The following NBEAL2 variants were observed in gnomAD, a reference collection of about 807,000 sequenced individuals.
NBEAL2 encodes the protein neurobeachin like 2.
In NBEAL2, 160 loss-of-function variants were observed where a neutral mutation model predicts 299.8. The ratio of observed to expected loss-of-function variants is 0.53; its 90% CI spans 0.47 to 0.61. NBEAL2 has a LOEUF of 0.61. Ranked by LOEUF, NBEAL2 falls within the 20% of genes least tolerant of loss-of-function variation. The pLI, the probability that NBEAL2 is intolerant of heterozygous loss-of-function variation, is 0.00. For missense variants in NBEAL2, 3,112 were observed against 3,649.0 expected, an observed-to-expected ratio of 0.85 and a Z score of 3.79; for synonymous variants, 1,493 against 1,542.3, an observed-to-expected ratio of 0.97 and a Z score of 0.75.
At chr3:46,987,538 C>G (rs886183801) in intron 1 of NBEAL2, among the ~76,000 whole-genome samples, 5 of 152,192 alleles carry the variant, frequency 3.3e-5, no homozygotes, top group African/African-American at 9.7e-5. Context: ...CAGCTGTGTT[C>G]CTGAGCGAAG....
chr3:46,995,232 G>A lies in NBEAL2; in HGVS notation c.1497G>A (p.Leu499=). The change falls in exon 13 of 54, where the codon TTG becomes TTA. Residue 499 remains leucine (L), a synonymous_variant. Transcript: ENST00000450053. ...AGGCAGGCCTGGTGGGCTGCCTGTTGGAGACACTCAGCACAGGGCTAGCCC... is the reference window on the plus strand; with the variant it reads ...AGGCAGGCCTGGTGGGCTGCCTGTTAGAGACACTCAGCACAGGGCTAGCCC... ...CVQAGLVGCL[L]ETLSTGLALE... The A allele has an allele frequency of 6.4e-7, 1 of 1,555,830 alleles. No individual in the cohort carries two copies.
At chr3:46,996,080 T>C (rs1433371272) in intron 15 of NBEAL2, 29 bp downstream of exon 15, 1 of 1,576,828 alleles carries the variant, frequency 6.3e-7, no homozygotes. Flanking sequence ...GGGGAGGCCT[T>C]GGGTAGATGG....
chr3:47,009,403 C>G lies in NBEAL2; in HGVS notation c.*83C>G. On this transcript the variant is annotated 3_prime_UTR_variant, in exon 54 of 54. Coordinates refer to ENST00000450053, the MANE Select transcript of NBEAL2 (RefSeq NM_015175.3). Reference sequence around the variant, plus strand: ...CGCCCAGAAGTCGGCGGGAACACCCCGGGGTGGGCAGCCCAGGGGGGTGAG... The same window carrying G: ...CGCCCAGAAGTCGGCGGGAACACCCGGGGGTGGGCAGCCCAGGGGGGTGAG... The G allele has an allele frequency of 1.5e-6, 2 of 1,332,084 alleles. No homozygotes were observed. Among genetic ancestry groups the G allele is most frequent in the South Asian group, 1.3e-5 (1 of 75,780 alleles). The allele number at this position is 1,332,084 out of a possible 1,614,324, so 82.5% of individuals were successfully genotyped here.
Position 47,008,676 on chromosome 3 carries a change from C to T in NBEAL2, c.8027+8C>T. 2 of 1,612,992 alleles carry T rather than the reference C, an allele frequency of 1.2e-6. No individual in the cohort carries two copies. The highest frequency in any genetic ancestry group is 1.7e-6 in the Non-Finnish European group (2 of 1,179,838). On this transcript the variant is annotated splice_region_variant and intron_variant, in intron 52 of 53. Transcript: ENST00000450053. ...CATCCTCCAACTAAACACGTAAGCC[C>T]CCCATTTATGGGTTCATGGCCCCTG...
At chr3:46,994,361 C>G (rs2036317320) in intron 11 of NBEAL2, 94 bp from the exon 12 acceptor site, 2 of 1,227,034 alleles carry the variant, frequency 1.6e-6, no homozygotes, top group Non-Finnish European at 2.3e-6. Context: ...AAGGGAACCC[C>G]AAAACATGAT....
At chr3:47,007,371 T>C in intron 47 of NBEAL2, 21 bp downstream of exon 47, 1 of 1,583,440 alleles carries the variant, frequency 6.3e-7, no homozygotes, top group East Asian at 2.3e-5. Flanking sequence ...GGGCTGTGGG[T>C]GGGGTGGGCT....
At chr3:46,997,841 G>A in intron 20 of NBEAL2, 147 bp downstream of exon 20, 1 of 1,290,854 alleles carries the variant, frequency 7.7e-7, no homozygotes, top group South Asian at 1.6e-5. Context: ...GCAGGGTTGG[G>A]TCTGGAGGAT....
chr3:47,009,336 C>G lies in NBEAL2; in HGVS notation c.*16C>G. Reference sequence around the variant, plus strand: ...GGCGCGCTGAACCTGGCCAGTCCGGCTGCTCGGGCCCCGCCCCCGGCAGGC... The same window carrying G: ...GGCGCGCTGAACCTGGCCAGTCCGGGTGCTCGGGCCCCGCCCCCGGCAGGC... On this transcript the variant is annotated 3_prime_UTR_variant, in exon 54 of 54. Coordinates refer to ENST00000450053, the MANE Select transcript of NBEAL2 (RefSeq NM_015175.3). 6.4e-7 allele frequency: 1 copy of G among 1,569,516 alleles called. No homozygotes were observed. Among genetic ancestry groups the G allele is most frequent in the South Asian group, 1.2e-5 (1 of 85,534 alleles).
Position 46,988,155 on chromosome 3 carries a change from C to A in NBEAL2, c.52-514C>A. On this transcript the variant is annotated intron_variant, in intron 1 of 53. Coordinates refer to ENST00000450053, the MANE Select transcript of NBEAL2 (RefSeq NM_015175.3). The surrounding 1 kb of genome is among the most constrained non-coding windows in gnomAD (Gnocchi z 4.4). ...AGGATGTGCGCATGTCTGGGTCTGC[C>A]TGTCTAATGGTACACGTGTGTCCTG... 1 of 1,007,090 alleles carries A rather than the reference C, an allele frequency of 9.9e-7. No individual in the cohort carries two copies. The allele number at this position is 1,007,090 out of a possible 1,614,324, so 62.4% of individuals were successfully genotyped here. A position where few individuals can be genotyped will look rare whatever the true frequency, so the allele number is the denominator to read the frequency against.
Position 47,005,761 on chromosome 3 carries a change from C to G in NBEAL2, c.6715C>G (p.Leu2239Val), listed in dbSNP as rs1307369820. Residue 2239 changes from leucine (L) to valine (V), a missense_variant, in exon 42 of 54, where the codon CTG becomes GTG. Leu to Val is a conservative substitution (Grantham distance 32). Coordinates refer to ENST00000450053, the MANE Select transcript of NBEAL2 (RefSeq NM_015175.3). Reference protein sequence around the residue: ...QNGFDLGCLQLTNEKVGDVVL... With the variant: ...QNGFDLGCLQVTNEKVGDVVL... ...AGGTTTTGACCTGGGCTGTCTCCAG[C>G]TGACCAACGAGAAGGTAGGCGATGT... The G allele has an allele frequency of 6.2e-7, 1 of 1,613,320 alleles. No homozygotes were observed.
At chr3:46,990,128 G>A (rs2035981263) in intron 6 of NBEAL2, among the ~76,000 whole-genome samples, 1 of 152,134 alleles carries the variant, frequency 6.6e-6, no homozygotes, top group Non-Finnish European at 1.5e-5. Context: ...ATAGGCTCAG[G>A]GTGGGATATG....
rs750616063 is a variant in NBEAL2 at position 47,001,699 on chromosome 3, G to A, written c.4655G>A (p.Gly1552Asp). 2 of 1,613,486 alleles carry A rather than the reference G, an allele frequency of 1.2e-6. No homozygotes were observed. The highest frequency in any genetic ancestry group is 1.7e-6 in the Non-Finnish European group (2 of 1,179,682). Reference protein sequence around the residue: ...QELWSEKLFEGVCSLLDRLGA... With the variant: ...QELWSEKLFEDVCSLLDRLGA... ...TGTTTTCTGTGGCAGCTCTTTGAAG[G>A]TGTATGCAGCCTACTTGATCGCCTG... The change falls in exon 30 of 54, where the codon GGT (glycine) becomes GAT (aspartate). Residue 1552 changes from glycine (G) to aspartate (D), a missense_variant. By Grantham distance (94) the Gly-to-Asp change is moderately conservative. Around this residue, in one of 3 missense-constraint regions of NBEAL2, gnomAD observed 2,243 missense variants for 2,538.1 expected, o/e 0.88. Coordinates refer to ENST00000450053, the MANE Select transcript of NBEAL2 (RefSeq NM_015175.3). The surrounding 1 kb of genome is among the most constrained non-coding windows in gnomAD (Gnocchi z 6.1).
chr3:47,003,867 C>G lies in NBEAL2; in HGVS notation c.5772C>G (p.Ala1924=), dbSNP rs758141574. ...AGCGTGAGAAGCTGGTGCTGTCGGC[C>G]GAGTGCCAGCTGGTGACGGTAGTGG... ...DEQREKLVLS[A]ECQLVTVVAV... Residue 1924 remains alanine, a synonymous_variant, in exon 36 of 54, where the codon GCC becomes GCG. Transcript: ENST00000450053. The surrounding 1 kb of genome is among the most constrained non-coding windows in gnomAD (Gnocchi z 7.0). 2 of 1,613,232 alleles carry G rather than the reference C, an allele frequency of 1.2e-6. No homozygotes were observed. Among genetic ancestry groups the G allele is most frequent in the East Asian group, 4.5e-5 (2 of 44,872 alleles).
chr3:47,000,921 T>C lies in NBEAL2; in HGVS notation c.4306-80T>C. 1.3e-6 allele frequency: 2 copies of C among 1,538,938 alleles called. No individual in the cohort carries two copies. The highest frequency in any genetic ancestry group is 2.4e-5 in the South Asian group (2 of 83,238). On this transcript the variant is annotated intron_variant, in intron 27 of 53. Coordinates refer to ENST00000450053, the MANE Select transcript of NBEAL2 (RefSeq NM_015175.3). This position sits in a 1 kb window ranked among gnomAD's most constrained non-coding sequence, Gnocchi z 4.5. ...TGGCTACCCCAGGAGGGGTGCTGAG[T>C]GGGGATGGGTGGGCGTCAGCCTGAT...
Position 46,991,738 on chromosome 3 carries a change from G to T in NBEAL2, c.925+50G>T, listed in dbSNP as rs1216251140. ...GGGGAAGGGGCACCATGAGGGAAAA[G>T]CCTAAGTGATGATGGAAGGTCTGGA... On this transcript the variant is annotated intron_variant, in intron 8 of 53. Coordinates refer to ENST00000450053, the MANE Select transcript of NBEAL2 (RefSeq NM_015175.3). The surrounding 1 kb of genome is among the most constrained non-coding windows in gnomAD (Gnocchi z 6.2). 7.0e-6 allele frequency: 11 copies of T among 1,572,960 alleles called. No homozygotes were observed. The highest frequency in any genetic ancestry group is 8.6e-6 in the Non-Finnish European group (10 of 1,160,972).
chr3:47,005,498 C>T lies in NBEAL2; in HGVS notation c.6570C>T (p.Cys2190=). ...CGTGCCCCTCCCCCAGCTTTGACTG[C>T]TCCGACCGGCAGTTCCACTCGGTGG... The part of the protein sequence containing the change: ...HVQLQSGRFD[C]SDRQFHSVAA... The change falls in exon 41 of 54, where the codon TGC becomes TGT. Residue 2190 remains cysteine (C), a synonymous_variant. Transcript: ENST00000450053. The T allele has an allele frequency of 6.2e-7, 1 of 1,611,590 alleles. No individual in the cohort carries two copies.
chr3:46,995,451 G>C lies in NBEAL2; in HGVS notation c.1716G>C (p.Gln572His). The change falls in exon 13 of 54, where the codon CAG (glutamine) becomes CAC (histidine). Residue 572 changes from glutamine to histidine, a missense_variant. Coordinates refer to ENST00000450053, the MANE Select transcript of NBEAL2 (RefSeq NM_015175.3). ...IRTLSGMARH[Q>H]GPARALRYFD... ...CATTATCAGGCATGGCCAGGCACCA[G>C]GGTCCTGCACGTGCTCTGCGCTACT... The C allele has an allele frequency of 6.2e-7, 1 of 1,612,882 alleles. No homozygotes were observed. The highest frequency in any genetic ancestry group is 2.2e-5 in the East Asian group (1 of 44,896).
chr3:47,001,908 T>G lies in NBEAL2; in HGVS notation c.4783-12T>G. ...AGTGGCTGGGTGCCACTCATCTCTC[T>G]TGCGCCCACAGCTGCATGCCCAGGC... On this transcript the variant is annotated splice_polypyrimidine_tract_variant and intron_variant, in intron 30 of 53. Coordinates refer to ENST00000450053, the MANE Select transcript of NBEAL2 (RefSeq NM_015175.3). This position sits in a 1 kb window ranked among gnomAD's most constrained non-coding sequence, Gnocchi z 6.1. The G allele has an allele frequency of 6.2e-7, 1 of 1,605,614 alleles. No individual in the cohort carries two copies. Among genetic ancestry groups the G allele is most frequent in the Non-Finnish European group, 8.5e-7 (1 of 1,174,112 alleles).
chr3:46,988,250 C>T lies in NBEAL2; in HGVS notation c.52-419C>T, dbSNP rs1208592780. Among the ~76,000 whole-genome samples, 6 of 152,148 alleles carry T rather than the reference C, an allele frequency of 3.9e-5. No homozygotes were observed. The highest frequency in any genetic ancestry group is 8.8e-5 in the Non-Finnish European group (6 of 68,016). On this transcript the variant is annotated intron_variant, in intron 1 of 53. Transcript: ENST00000450053. This position sits in a 1 kb window ranked among gnomAD's most constrained non-coding sequence, Gnocchi z 4.4. ...CTGGGTGAAGATGGCAGATGAGGAC[C>T]CAGCCCAAGGCTCTTGGTAGGGGGT...
Sources: allele counts gnomAD v4.1 joint callset (sites outside exome capture counted in the v4.1 genomes callset), GRCh38; gene constraint gnomAD v4.1.1; regional missense constraint gnomAD v4.1.1; non-coding constraint Gnocchi (gnomAD v3.1); transcripts MANE v1.5; gene names NCBI Gene and HGNC (gene_info 2026-07-23, HGNC 2026-07-21).